PCSK1: variants seen among roughly 807,000 people sequenced by gnomAD.
The protein encoded by PCSK1 is proprotein convertase subtilisin/kexin type 1, also known as neuroendocrine convertase 1.
PCSK1 carries 56 observed loss-of-function variants against 90.6 expected under a neutral mutation model. The observed-to-expected ratio is 0.62, with a 90% CI of 0.50 to 0.77. The LOEUF is 0.77. PCSK1 is among the 30% of genes least tolerant of loss of function. The pLI, the probability that PCSK1 is intolerant of heterozygous loss-of-function variation, is 0.00. For synonymous variants in PCSK1, 348 were observed against 342.4 expected (o/e 1.02, Z -0.18); for missense variants, 801 against 932.6 (o/e 0.86, Z 1.84).
rs1335777681 is a variant in PCSK1, at chr5:96,399,982, A to G, written c.1401T>C (p.Cys467=). 1.9e-6 allele frequency: 3 copies of G among 1,614,076 alleles called. No individual in the cohort carries two copies. The highest frequency in any genetic ancestry group is 2.5e-6 in the Non-Finnish European group (3 of 1,179,900). ...GCTCAAAGTCATTGTCCTTTACAAC[A>G]CACTCTTTCTTCTCAGGCACGCTCC... ...TWRSVPEKKE[C]VVKDNDFEPR... Residue 467 remains cysteine (C), a synonymous_variant, in exon 10 of 14, where the codon TGT becomes TGC. Coordinates refer to ENST00000311106, the MANE Select transcript of PCSK1 (RefSeq NM_000439.5).
intron 6 of PCSK1, among the ~76,000 whole-genome samples, chr5:96,413,671 G>A (rs372228523): frequency 7.3e-5 from 11 of 151,532 alleles, no homozygotes; most frequent in East Asian, 2.0e-4. Flanking sequence ...ATGCTGGCAC[G>A]CACCTATAAT....
chr5:96,402,458 A>T (rs532641326), intron 9 of PCSK1, among the ~76,000 whole-genome samples: 2 of 152,230 alleles, frequency 1.3e-5, no homozygotes, highest in East Asian at 3.9e-4. Flanking sequence ...GAGGAGGGGA[A>T]ACATCTAGAC....
In PCSK1 at chr5:96,400,004, C is replaced by T; in HGVS notation, c.1379G>A (p.Ser460Asn). Reference protein sequence around the residue: ...VDLADPRTWRSVPEKKECVVK... With the variant: ...VDLADPRTWRNVPEKKECVVK... Reference sequence around the variant, plus strand: ...AACACACTCTTTCTTCTCAGGCACGCTCCTCCAGGTCCTGGGGTCAGCTAA... The same window carrying T: ...AACACACTCTTTCTTCTCAGGCACGTTCCTCCAGGTCCTGGGGTCAGCTAA... The change falls in exon 10 of 14, where the codon AGC becomes AAC. Residue 460 changes from serine (S) to asparagine (N), a missense_variant. Physicochemically the swap from Ser to Asn is conservative, Grantham distance 46. Coordinates refer to ENST00000311106, the MANE Select transcript of PCSK1 (RefSeq NM_000439.5). The T allele has an allele frequency of 3.7e-6, 6 of 1,614,250 alleles. No individual in the cohort carries two copies. The highest frequency in any genetic ancestry group is 4.2e-6 in the Non-Finnish European group (5 of 1,180,046).
intron 2 of PCSK1, 33 bp from the exon 3 acceptor site, chr5:96,425,963 G>T (rs766952381): frequency 8.2e-7 from 1 of 1,222,326 alleles, no homozygotes; most frequent in Non-Finnish European, 1.2e-6. Context: ...AAAATCAAAA[G>T]TCAAATATCT....
At position 96,394,869 on chromosome 5, in the gene PCSK1, C is replaced by T; in HGVS notation, c.1879G>A (p.Gly627Arg). Residue 627 changes from glycine to arginine, a missense_variant, in exon 13 of 14, where the codon GGG becomes AGG. Coordinates refer to ENST00000311106, the MANE Select transcript of PCSK1 (RefSeq NM_000439.5). ...AAGAACAGAGCCACACAGACCTCCC[C>T]TGGATCCACCATCTTCTCCACCCCT... is the stretch of plus-strand genomic sequence containing the variant. ...RRGVEKMVDP[G>R]EEQPTQENPK... The T allele has an allele frequency of 6.2e-7, 1 of 1,614,110 alleles. No individual in the cohort carries two copies.
chr5:96,431,794 C>T (rs1430717864), intron 1 of PCSK1, among the ~76,000 whole-genome samples: 6 of 152,194 alleles, frequency 3.9e-5, no homozygotes, highest in Non-Finnish European at 2.9e-5. Context: ...GGCGTCTCAA[C>T]CACCACCTCC....
At chr5:96,421,492 C>T (rs746310595) in intron 5 of PCSK1, among the ~76,000 whole-genome samples, 1 of 152,178 alleles carries the variant, frequency 6.6e-6, no homozygotes. Flanking sequence ...ATATCCATTT[C>T]TTTACATATA....
chr5:96,392,955 T>C lies in PCSK1; in HGVS notation c.*46A>G. ...TTCAGACACAGGCAAAATCGCAGGG[T>C]AAGGAAGAAGCATGAATATTTCCAA... On this transcript the variant is annotated 3_prime_UTR_variant, in exon 14 of 14. Coordinates refer to ENST00000311106, the MANE Select transcript of PCSK1 (RefSeq NM_000439.5). 6.2e-7 allele frequency: 1 copy of C among 1,603,014 alleles called. No individual in the cohort carries two copies. The highest frequency in any genetic ancestry group is 8.5e-7 in the Non-Finnish European group (1 of 1,170,418).
chr5:96,398,034 G>C (rs1158611179), intron 11 of PCSK1, among the ~76,000 whole-genome samples: 1 of 151,918 alleles, frequency 6.6e-6, no homozygotes, highest in Non-Finnish European at 1.5e-5. Context: ...AAATTTTTAA[G>C]TCCCAGCCCT....
rs1261080852 is a variant in PCSK1, at chr5:96,403,814, C to G, written c.1197-3628G>C. Among the ~76,000 whole-genome samples, 6 of 152,190 alleles carry G rather than the reference C, an allele frequency of 3.9e-5. No homozygotes were observed. In the South Asian group the frequency reaches 6.2e-4, roughly 16 times the overall value. On this transcript the variant is annotated intron_variant, in intron 9 of 13. Transcript: ENST00000311106. ...CTTGGACTTTCTAACATTTCACAAC[C>G]CACTAAGTCAAGACTTTTTTGTTGT...
At position 96,400,005 on chromosome 5, in the gene PCSK1, T is replaced by C. The variant is rs1290209038; in HGVS notation, c.1378A>G (p.Ser460Gly). The change falls in exon 10 of 14, where the codon AGC becomes GGC. Residue 460 changes from serine (S) to glycine (G), a missense_variant. By Grantham distance (56) the Ser-to-Gly change is moderately conservative. Coordinates refer to ENST00000311106, the MANE Select transcript of PCSK1 (RefSeq NM_000439.5). The part of the protein sequence containing the change: ...VDLADPRTWR[S>G]VPEKKECVVK... ...ACACACTCTTTCTTCTCAGGCACGC[T>C]CCTCCAGGTCCTGGGGTCAGCTAAA... 1 of 1,614,212 alleles carries C rather than the reference T, an allele frequency of 6.2e-7. No homozygotes were observed. The highest frequency in any genetic ancestry group is 1.7e-5 in the Admixed American group (1 of 60,020).
chr5:96,424,490 C>A (rs1443294318), intron 3 of PCSK1, among the ~76,000 whole-genome samples: 1 of 152,142 alleles, frequency 6.6e-6, no homozygotes, highest in African/African-American at 2.4e-5. Flanking sequence ...ATTCTACTTT[C>A]CAATATCTCT....
rs1183710202 is a variant in PCSK1 at position 96,410,924 on chromosome 5, A to G, written c.945T>C (p.Asp315=). 10 of 1,613,844 alleles carry G rather than the reference A, an allele frequency of 6.2e-6. No homozygotes were observed. Among genetic ancestry groups the G allele is most frequent in the South Asian group, 1.1e-5 (1 of 91,074 alleles). Residue 315 remains aspartate, a synonymous_variant, in exon 8 of 14, where the codon GAT becomes GAC. Coordinates refer to ENST00000311106, the MANE Select transcript of PCSK1 (RefSeq NM_000439.5). Reference sequence around the variant, plus strand: ...CTGTGTAGCCATCACAGTCACAATTATCTCCCTGACGCCCCCCGTTTCCCG... The same window carrying G: ...CTGTGTAGCCATCACAGTCACAATTGTCTCCCTGACGCCCCCCGTTTCCCG... ...WASGNGGRQG[D]NCDCDGYTDS... is the part of the protein sequence containing the mutation.
Position 96,397,408 on chromosome 5 carries a change from A to G in PCSK1, c.1650T>C (p.Asn550=), listed in dbSNP as rs6233. Residue 550 remains asparagine (N), a synonymous_variant, in exon 12 of 14, where the codon AAT becomes AAC. Coordinates refer to ENST00000311106, the MANE Select transcript of PCSK1 (RefSeq NM_000439.5). ...ATGTGTGAACAGACATGAAGTCCCA[A>G]TTCTTAAAGCCATTAGGAGATGTAT... The part of the protein sequence containing the change: ...ERDTSPNGFK[N]WDFMSVHTWG... 596,057 of 1,610,164 alleles carry G rather than the reference A, an allele frequency of 0.37. 112,577 individuals are homozygous for G. Among genetic ancestry groups the G allele is most frequent in the Admixed American group, 0.46 (27,298 of 59,988 alleles).
At chr5:96,401,086 CAAAAAAAAAAAAAA>C (rs35928091) in intron 9 of PCSK1, among the ~76,000 whole-genome samples, 2 of 70,548 alleles carry the variant, frequency 2.8e-5, no homozygotes, top group African/African-American at 5.9e-5. Context: ...GACTCCGTCT[CAAAAAAAAAAAAAA>C]AAAAAAAAAA....
chr5:96,415,435 C>A (rs952783665), intron 6 of PCSK1, among the ~76,000 whole-genome samples: 67 of 152,346 alleles, frequency 4.4e-4, no homozygotes, highest in African/African-American at 1.4e-3. Context: ...CTGCCTACCA[C>A]TTCTTAGCCC....
At chr5:96,397,303 C>T (rs1561363010) in intron 12 of PCSK1, 33 bp downstream of exon 12, 2 of 1,599,386 alleles carry the variant, frequency 1.3e-6, no homozygotes, top group African/African-American at 1.3e-5. Flanking sequence ...TAAAAGTAAG[C>T]TTGTGTTTTT....
intron 1 of PCSK1, chr5:96,432,036 T>C (rs1329027569): frequency 7.3e-7 from 1 of 1,371,076 alleles, no homozygotes; most frequent in Non-Finnish European, 1.0e-6. Flanking sequence ...AGCCTTCACT[T>C]GGACAGGCAA....
intron 9 of PCSK1, among the ~76,000 whole-genome samples, chr5:96,405,141 C>A (rs1211829929): frequency 6.6e-6 from 1 of 152,110 alleles, no homozygotes; most frequent in Non-Finnish European, 1.5e-5. Context: ...ATCTTAATAA[C>A]CTCTATGTAC....
Sources: allele counts gnomAD v4.1 joint callset (sites outside exome capture counted in the v4.1 genomes callset), GRCh38; gene constraint gnomAD v4.1.1; transcripts MANE v1.5; gene names NCBI Gene and HGNC (gene_info 2026-07-23, HGNC 2026-07-21).